Variants in NUP153 observed in about 807,000 individuals in gnomAD.
NUP153 encodes the protein nuclear pore complex protein Nup153.
Under a neutral mutation model 134.6 loss-of-function variants are expected in NUP153, and 27 were observed. The observed-to-expected ratio is 0.20, with a 90% confidence interval of 0.15 to 0.28. NUP153 has a LOEUF of 0.28. NUP153 is among the 10% of genes least tolerant of loss of function. The probability of loss-of-function intolerance (pLI) is 1.00; values close to 1 mark genes in which losing one functional copy is unlikely to be tolerated. For missense variants in NUP153, 1,821 were observed against 1,731.3 expected, an observed-to-expected ratio of 1.05 and a Z score of -0.92; for synonymous variants, 640 against 623.5, an observed-to-expected ratio of 1.03 and a Z score of -0.40.
At chr6:17,704,791 G>A (rs1481152242) in intron 1 of NUP153, among the ~76,000 whole-genome samples, 2 of 146,714 alleles carry the variant, frequency 1.4e-5, no homozygotes, top group Non-Finnish European at 3.0e-5. Context: ...CAAGAGTCTC[G>A]CTCTGTCGCC....
rs1255046382 is a variant in NUP153, at chr6:17,628,422, T to C, written c.3544+233A>G. 1.3e-5 allele frequency among the ~76,000 whole-genome samples: 2 copies of C among 152,134 alleles called. No homozygotes were observed. The highest frequency in any genetic ancestry group is 4.8e-5 in the African/African-American group (2 of 41,422). On this transcript the variant is annotated intron_variant, in intron 18 of 21. Transcript: ENST00000262077. This position sits in a 1 kb window ranked among gnomAD's most constrained non-coding sequence, Gnocchi z 5.4. ...AATATGCACTATATTGAGCTTTGCA[T>C]TACTGCTGTATTTCTCAAAATTAGA...
chr6:17,617,037 C>A (rs1285800680), intron 20 of NUP153, among the ~76,000 whole-genome samples: 1 of 152,248 alleles, frequency 6.6e-6, no homozygotes, highest in African/African-American at 2.4e-5. Flanking sequence ...GCGTAAGCCA[C>A]TGCACCCGGC....
intron 18 of NUP153, among the ~76,000 whole-genome samples, chr6:17,627,516 G>A (rs1246785676): frequency 6.6e-6 from 1 of 152,070 alleles, no homozygotes; most frequent in Non-Finnish European, 1.5e-5. Flanking sequence ...GTTTTCTTGA[G>A]ACAGAGCCTT....
chr6:17,686,702 T>C (rs1424824819), intron 2 of NUP153, among the ~76,000 whole-genome samples: 1 of 151,670 alleles, frequency 6.6e-6, no homozygotes, highest in Admixed American at 6.6e-5. Context: ...AAAAAAACAG[T>C]ACTATAGAAA....
In NUP153 at chr6:17,680,978, G is replaced by A. The variant is rs1003726957; in HGVS notation, c.335-5208C>T. Among the ~76,000 whole-genome samples, 17 of 152,114 alleles carry A rather than the reference G, an allele frequency of 1.1e-4. No homozygotes were observed. The highest frequency in any genetic ancestry group is 5.8e-4 in the East Asian group (3 of 5,176). ...TATATCAAAGAGATAATCTGCACTC[G>A]CAGCACTATTCACAATAGCCAAGAT... On this transcript the variant is annotated intron_variant, in intron 2 of 21. Coordinates refer to ENST00000262077, the MANE Select transcript of NUP153 (RefSeq NM_005124.4). This position sits in a 1 kb window ranked among gnomAD's most constrained non-coding sequence, Gnocchi z 4.5.
chr6:17,676,615 G>C (rs1768236943), intron 2 of NUP153, among the ~76,000 whole-genome samples: 1 of 152,080 alleles, frequency 6.6e-6, no homozygotes, highest in Non-Finnish European at 1.5e-5. Flanking sequence ...GACCAGACCA[G>C]TCCTTCTACT....
At position 17,625,828 on chromosome 6, in the gene NUP153, G is replaced by C. The variant is rs1163789625; in HGVS notation, c.3881C>G (p.Thr1294Arg). Residue 1294 changes from threonine to arginine, a missense_variant, in exon 19 of 22, where the codon ACA becomes AGA. By Grantham distance (71) the Thr-to-Arg change is moderately conservative. Transcript: ENST00000262077. The surrounding 1 kb of genome is among the most constrained non-coding windows in gnomAD (Gnocchi z 4.7). ...TTTSGFGFGATTTSSSAGSSF... is the reference protein window; with the variant it reads ...TTTSGFGFGARTTSSSAGSSF... ...TGTACCTGCAGAGCTAGATGTGGTTGTGGCTCCAAAGCCGAAACCAGAGGT... is the reference window on the plus strand; with the variant it reads ...TGTACCTGCAGAGCTAGATGTGGTTCTGGCTCCAAAGCCGAAACCAGAGGT... The C allele has an allele frequency of 6.2e-7, 1 of 1,613,596 alleles. No individual in the cohort carries two copies.
chr6:17,667,668 T>C (rs1223374536), intron 8 of NUP153, among the ~76,000 whole-genome samples: 1 of 152,114 alleles, frequency 6.6e-6, no homozygotes, highest in African/African-American at 2.4e-5. Flanking sequence ...GAGCTGCGAC[T>C]GTGCCACTGC....
chr6:17,640,877 C>T (rs1765799102), intron 14 of NUP153, among the ~76,000 whole-genome samples: 1 of 152,066 alleles, frequency 6.6e-6, no homozygotes, highest in Non-Finnish European at 1.5e-5. Flanking sequence ...CCCACATCGG[C>T]CTCCCAAAGC....
chr6:17,620,266 T>C (rs1026624108), intron 20 of NUP153, among the ~76,000 whole-genome samples: 2 of 152,112 alleles, frequency 1.3e-5, no homozygotes, highest in African/African-American at 4.8e-5. Flanking sequence ...ACTTACCATA[T>C]ATAGCTATAT....
chr6:17,661,415 T>G (rs1299343160), intron 11 of NUP153, among the ~76,000 whole-genome samples: 1 of 152,240 alleles, frequency 6.6e-6, no homozygotes, highest in East Asian at 1.9e-4. Flanking sequence ...GGTCAAATAA[T>G]TTCAATTGCA....
chr6:17,686,703 A>T (rs1433984891), intron 2 of NUP153, among the ~76,000 whole-genome samples: 3 of 151,814 alleles, frequency 2.0e-5, no homozygotes, highest in African/African-American at 7.3e-5. Flanking sequence ...AAAAAACAGT[A>T]CTATAGAAAA....
intron 7 of NUP153, 127 bp from the exon 8 acceptor site, chr6:17,669,155 T>C (rs1409072080): frequency 1.0e-6 from 1 of 1,004,114 alleles, no homozygotes; most frequent in Non-Finnish European, 1.5e-6. Context: ...CTTGACTCAC[T>C]GCAACCTCTG....
Position 17,638,887 on chromosome 6 carries a change from A to G in NUP153, c.1846+1052T>C, listed in dbSNP as rs1765697299. Among the ~76,000 whole-genome samples, 1 of 152,204 alleles carries G rather than the reference A, an allele frequency of 6.6e-6. No individual in the cohort carries two copies. Among genetic ancestry groups the G allele is most frequent in the Non-Finnish European group, 1.5e-5 (1 of 68,042 alleles). Reference sequence around the variant, plus strand: ...AAGCTACTGGACTCCTGTAGGCAGTATACTTATCTATAAAATGAGAGAGCT... The same window carrying G: ...AAGCTACTGGACTCCTGTAGGCAGTGTACTTATCTATAAAATGAGAGAGCT... On this transcript the variant is annotated intron_variant, in intron 15 of 21. Coordinates refer to ENST00000262077, the MANE Select transcript of NUP153 (RefSeq NM_005124.4). The surrounding 1 kb of genome is among the most constrained non-coding windows in gnomAD (Gnocchi z 4.0).
At chr6:17,702,092 C>T (rs1325247885) in intron 1 of NUP153, among the ~76,000 whole-genome samples, 1 of 152,102 alleles carries the variant, frequency 6.6e-6, no homozygotes, top group Non-Finnish European at 1.5e-5. Context: ...AAGCAAGCAG[C>T]CTGACCTCTC....
In NUP153 at chr6:17,629,101, G is replaced by T. The variant is rs764191937; in HGVS notation, c.3098C>A (p.Pro1033His). The T allele has an allele frequency of 6.2e-7, 1 of 1,614,214 alleles. No individual in the cohort carries two copies. Among genetic ancestry groups the T allele is most frequent in the Non-Finnish European group, 8.5e-7 (1 of 1,180,036 alleles). Residue 1033 changes from proline to histidine, a missense_variant, in exon 18 of 22, where the codon CCT (proline) becomes CAT (histidine). Transcript: ENST00000262077. ...SFGTGVINST[P>H]APANTIVTSE... is the part of the protein sequence containing the mutation. Reference sequence around the variant, plus strand: ...GGTCACTATGGTGTTAGCAGGAGCAGGGGTGGAGTTAATAACACCTGTACC... The same window carrying T: ...GGTCACTATGGTGTTAGCAGGAGCATGGGTGGAGTTAATAACACCTGTACC...
intron 2 of NUP153, among the ~76,000 whole-genome samples, chr6:17,682,941 A>AAAAAC (rs386406293): frequency 6.6e-6 from 1 of 151,064 alleles, no homozygotes; most frequent in Non-Finnish European, 1.5e-5. Context: ...AAAAAAAAAA[A>AAAAAC]ACACTTTCTT....
intron 2 of NUP153, among the ~76,000 whole-genome samples, chr6:17,683,667 T>C (rs945759069): frequency 1.3e-5 from 2 of 152,190 alleles, no homozygotes; most frequent in Non-Finnish European, 2.9e-5. Context: ...CCTAGGATCT[T>C]TGATATGGTA....
intron 20 of NUP153, among the ~76,000 whole-genome samples, chr6:17,622,702 A>G (rs992606987): frequency 6.6e-6 from 1 of 152,170 alleles, no homozygotes; most frequent in Admixed American, 6.5e-5. Flanking sequence ...TAAAAAAAAA[A>G]TAAAGAGAGG....
Sources: allele counts gnomAD v4.1 joint callset (sites outside exome capture counted in the v4.1 genomes callset), GRCh38; gene constraint gnomAD v4.1.1; non-coding constraint Gnocchi (gnomAD v3.1); transcripts MANE v1.5; gene names NCBI Gene and HGNC (gene_info 2026-07-23, HGNC 2026-07-21).